The following HOGA1 variants were observed in gnomAD, a reference collection of about 807,000 sequenced individuals.
The protein encoded by HOGA1 is 4-hydroxy-2-oxoglutarate aldolase 1, also known as 4-hydroxy-2-oxoglutarate aldolase, mitochondrial.
HOGA1 carries 30 observed loss-of-function variants against 34.3 expected under a neutral mutation model. The observed-to-expected ratio is 0.87, with a 90% CI of 0.65 to 1.19. The LOEUF is 1.19. Ranked by LOEUF, HOGA1 falls within the 50% of genes most tolerant of loss-of-function variation. The pLI is 0.00. For missense variants in HOGA1, 417 were observed against 436.5 expected (o/e 0.96, Z 0.40); for synonymous variants, 161 against 174.0 (o/e 0.93, Z 0.59).
intron 1 of HOGA1, among the ~76,000 whole-genome samples, chr10:97,586,100 G>A (rs775812480): frequency 6.7e-5 from 10 of 148,160 alleles, no homozygotes; most frequent in Non-Finnish European, 1.5e-4. Flanking sequence ...TCATACCATT[G>A]CACTCTAGCC....
chr10:97,588,177 G>A (rs2040985801), intron 1 of HOGA1, among the ~76,000 whole-genome samples: 2 of 149,246 alleles, frequency 1.3e-5, no homozygotes, highest in Admixed American at 1.3e-4. Context: ...TGAATAGAGA[G>A]TATTCTTTTT....
chr10:97,599,852 C>G (rs770323914), intron 4 of HOGA1, 38 bp downstream of exon 4: 2 of 1,614,010 alleles, frequency 1.2e-6, no homozygotes, highest in South Asian at 2.2e-5. Context: ...GTCCTCTCCT[C>G]CTTTTCTGGG....
Position 97,611,605 on chromosome 10 carries a change from C to G in HOGA1, c.930C>G (p.Ser310Arg), listed in dbSNP as rs746903117. The G allele has an allele frequency of 6.2e-7, 1 of 1,614,182 alleles. No individual in the cohort carries two copies. The highest frequency in any genetic ancestry group is 8.5e-7 in the Non-Finnish European group (1 of 1,180,040). Reference sequence around the variant, plus strand: ...GCCGCGCCCCCTTGCAGGAGCTGAGCCCCGCTGAGGAGGAGGCACTGCGCA... The same window carrying G: ...GCCGCGCCCCCTTGCAGGAGCTGAGGCCCGCTGAGGAGGAGGCACTGCGCA... ...GPCRAPLQEL[S>R]PAEEEALRMD... Residue 310 changes from serine (S) to arginine (R), a missense_variant, in exon 7 of 7, where the codon AGC becomes AGG. Ser to Arg is a moderately radical substitution (Grantham distance 110). Coordinates refer to ENST00000370646, the MANE Select transcript of HOGA1 (RefSeq NM_138413.4).
At chr10:97,607,601 G>T (rs2041166843) in intron 6 of HOGA1, among the ~76,000 whole-genome samples, 1 of 152,152 alleles carries the variant, frequency 6.6e-6, no homozygotes, top group Admixed American at 6.6e-5. Flanking sequence ...TAGGTCCCTT[G>T]TTGGTCTTCC....
intron 6 of HOGA1, among the ~76,000 whole-genome samples, chr10:97,605,699 C>T (rs2041151943): frequency 6.6e-6 from 1 of 152,058 alleles, no homozygotes; most frequent in Admixed American, 6.6e-5. Context: ...TGCTATTGAA[C>T]GTTTTTTTCA....
At chr10:97,591,631 A>G (rs1355413507) in intron 1 of HOGA1, among the ~76,000 whole-genome samples, 1 of 148,912 alleles carries the variant, frequency 6.7e-6, no homozygotes. Context: ...TTTTTTATGT[A>G]TGTATATTTT....
chr10:97,599,275 G>C (rs778655215), intron 3 of HOGA1, 59 bp downstream of exon 3: 1 of 1,601,032 alleles, frequency 6.2e-7, no homozygotes, highest in Non-Finnish European at 8.6e-7. Context: ...GATAAGGGAA[G>C]CTGGGAATAG....
chr10:97,608,104 G>GTT (rs984589298), intron 6 of HOGA1, among the ~76,000 whole-genome samples: 1 of 152,092 alleles, frequency 6.6e-6, no homozygotes, highest in Non-Finnish European at 1.5e-5. Flanking sequence ...GAGCTCAGGA[G>GTT]TTTGAGCCCA....
At position 97,602,000 on chromosome 10, in the gene HOGA1, TGGCAGCGGG is replaced by T; in HGVS notation, c.834+14_834+22del. The T allele has an allele frequency of 6.2e-7, 1 of 1,609,780 alleles. No homozygotes were observed. The highest frequency in any genetic ancestry group is 1.3e-5 in the African/African-American group (1 of 75,030). The stretch of plus-strand genomic sequence containing the variant: ...TGAGCCAAACGCTGCGGTGAGCCAG[TGGCAGCGGG>T]GGCGCGGCCTGGCGGGGGGTGGGCA... On this transcript the variant is annotated intron_variant, in intron 6 of 6. Transcript: ENST00000370646.
intron 1 of HOGA1, chr10:97,589,607 C>CCTCTCCCCACCCCA (rs998946561): frequency 3.7e-5 from 15 of 401,340 alleles, no homozygotes; most frequent in African/African-American, 8.0e-5. Flanking sequence ...GATGCTGCGG[C>CCTCTCCCCACCCCA]CTCTCCCCAC....
At chr10:97,590,787 T>C in intron 1 of HOGA1, 1 of 611,988 alleles carries the variant, frequency 1.6e-6, no homozygotes, top group East Asian at 2.8e-5. Context: ...TGGCCCCTGT[T>C]GGAGGGAGAG....
intron 6 of HOGA1, among the ~76,000 whole-genome samples, chr10:97,605,430 C>A (rs1444313619): frequency 2.0e-5 from 3 of 150,298 alleles, no homozygotes; most frequent in African/African-American, 7.3e-5. Flanking sequence ...AAACAAAAAA[C>A]CAAAACAAAC....
At chr10:97,594,710 C>T (rs1381180988) in intron 1 of HOGA1, among the ~76,000 whole-genome samples, 2 of 151,970 alleles carry the variant, frequency 1.3e-5, no homozygotes, top group Non-Finnish European at 2.9e-5. Flanking sequence ...AGGCTGGTCT[C>T]GAACTCCTGG....
In HOGA1 at chr10:97,590,136, C is replaced by G. The variant is rs575393946; in HGVS notation, c.211+5222C>G. Reference sequence around the variant, plus strand: ...ACGGTTCACATAGAGACCTTCACCACGAGGCACGGAGAAGTGGGCTCCGCT... The same window carrying G: ...ACGGTTCACATAGAGACCTTCACCAGGAGGCACGGAGAAGTGGGCTCCGCT... On this transcript the variant is annotated intron_variant, in intron 1 of 6. Transcript: ENST00000370646. 21 of 1,614,086 alleles carry G rather than the reference C, an allele frequency of 1.3e-5. No individual in the cohort carries two copies. In the African/African-American group the frequency reaches 1.9e-4, roughly 14 times the overall value.
intron 6 of HOGA1, among the ~76,000 whole-genome samples, chr10:97,609,478 C>T (rs1037364622): frequency 6.6e-6 from 1 of 152,214 alleles, no homozygotes; most frequent in African/African-American, 2.4e-5. Flanking sequence ...TCTGTGTCCT[C>T]TCCTGTGCCA....
At chr10:97,605,619 TA>T (rs1414036933) in intron 6 of HOGA1, among the ~76,000 whole-genome samples, 1 of 152,204 alleles carries the variant, frequency 6.6e-6, no homozygotes, top group Non-Finnish European at 1.5e-5. Flanking sequence ...GATAGATGTA[TA>T]GTACAGATGT....
Position 97,603,761 on chromosome 10 carries a change from C to G in HOGA1, c.834+1771C>G, listed in dbSNP as rs759124103. On this transcript the variant is annotated intron_variant, in intron 6 of 6. Transcript: ENST00000370646. This position sits in a 1 kb window ranked among gnomAD's most constrained non-coding sequence, Gnocchi z 4.5. ...TGCTTTTAGTGAAGACGGGTTTCACCATGTTGGCCAGGCTGGCCTCGAACT... is the reference window on the plus strand; with the variant it reads ...TGCTTTTAGTGAAGACGGGTTTCACGATGTTGGCCAGGCTGGCCTCGAACT... Among the ~76,000 whole-genome samples the G allele has an allele frequency of 6.6e-6, 1 of 151,966 alleles. No homozygotes were observed. The highest frequency in any genetic ancestry group is 2.4e-5 in the African/African-American group (1 of 41,370).
At chr10:97,590,148 A>T in intron 1 of HOGA1, 1 of 1,614,036 alleles carries the variant, frequency 6.2e-7, no homozygotes. Context: ...AGGCACGGAG[A>T]AGTGGGCTCC....
intron 6 of HOGA1, among the ~76,000 whole-genome samples, chr10:97,607,565 T>C (rs1380714613): frequency 1.3e-5 from 2 of 152,238 alleles, no homozygotes; most frequent in African/African-American, 4.8e-5. Context: ...CCAGGGTACG[T>C]AGCACTGTGT....
Sources: allele counts gnomAD v4.1 joint callset (sites outside exome capture counted in the v4.1 genomes callset), GRCh38; gene constraint gnomAD v4.1.1; non-coding constraint Gnocchi (gnomAD v3.1); transcripts MANE v1.5; gene names NCBI Gene and HGNC (gene_info 2026-07-23, HGNC 2026-07-21).